Variants in GALNTL6 observed in about 807,000 individuals in gnomAD.
GALNTL6 encodes the protein polypeptide N-acetylgalactosaminyltransferase-like 6.
Under a neutral mutation model 73.7 loss-of-function variants are expected in GALNTL6, and 46 were observed. That is an observed-to-expected ratio of 0.62 (90% CI 0.49 to 0.80). GALNTL6 has a LOEUF of 0.80. GALNTL6 is among the 30% of genes least tolerant of loss of function. The pLI, the probability that GALNTL6 is intolerant of heterozygous loss-of-function variation, is 0.00. For missense variants in GALNTL6, 604 were observed against 755.0 expected, an observed-to-expected ratio of 0.80 and a Z score of 2.34; for synonymous variants, 259 against 263.7, an observed-to-expected ratio of 0.98 and a Z score of 0.17.
chr4:171,946,220 C>T lies in GALNTL6; in HGVS notation c.138+131502C>T, dbSNP rs926337820. Among the ~76,000 whole-genome samples, 22 of 152,018 alleles carry T rather than the reference C, an allele frequency of 1.4e-4. 1 individual carries two copies. Among genetic ancestry groups the T allele is most frequent in the Non-Finnish European group, 5.9e-5 (4 of 67,986 alleles). The stretch of plus-strand genomic sequence containing the variant: ...GAATACCTTTCATTCCTGAAAAATA[C>T]GTATTTACAAAATCAAAATGTCAGA... On this transcript the variant is annotated intron_variant, in intron 2 of 12. Transcript: ENST00000506823.
rs370396273 is a variant in GALNTL6, at chr4:172,521,323, G to A, written c.553+172634G>A. On this transcript the variant is annotated intron_variant, in intron 5 of 12. Transcript: ENST00000506823. The stretch of plus-strand genomic sequence containing the variant: ...GACTGACAGAAAAATTCTTCTGACA[G>A]TTGGTATAAAACATTTTACCACAAA... Among the ~76,000 whole-genome samples, 9 of 152,046 alleles carry A rather than the reference G, an allele frequency of 5.9e-5. No homozygotes were observed. In the East Asian group the frequency reaches 1.3e-3, roughly 23 times the overall value.
intron 4 of GALNTL6, among the ~76,000 whole-genome samples, chr4:172,337,817 T>G (rs905149445): frequency 6.6e-6 from 1 of 152,028 alleles, no homozygotes; most frequent in Non-Finnish European, 1.5e-5. Flanking sequence ...TACCTATTTC[T>G]CTAGCAAAAT....
At chr4:171,869,295 T>C (rs914830765) in intron 2 of GALNTL6, among the ~76,000 whole-genome samples, 1 of 152,166 alleles carries the variant, frequency 6.6e-6, no homozygotes, top group African/African-American at 2.4e-5. Context: ...AAAACAGGCT[T>C]CTTAAAATTC....
At chr4:171,848,167 A>G (rs1256863488) in intron 2 of GALNTL6, among the ~76,000 whole-genome samples, 1 of 152,260 alleles carries the variant, frequency 6.6e-6, no homozygotes, top group Non-Finnish European at 1.5e-5. Context: ...CATCTTAATC[A>G]GAGCTCTTGG....
intron 5 of GALNTL6, among the ~76,000 whole-genome samples, chr4:172,636,631 C>T (rs185036365): frequency 1.3e-5 from 2 of 152,280 alleles, no homozygotes; most frequent in South Asian, 2.1e-4. Context: ...TAGATTCTTA[C>T]CCACAGCCTT....
chr4:171,978,051 G>A (rs570247038), intron 2 of GALNTL6, among the ~76,000 whole-genome samples: 119 of 152,012 alleles, frequency 7.8e-4, no homozygotes, highest in Non-Finnish European at 1.2e-3. Context: ...GGCAAAAACC[G>A]CCATTACTAA....
chr4:172,069,609 A>ATATTATATATATAACACATATGTGT (rs1553989844), intron 2 of GALNTL6, among the ~76,000 whole-genome samples: 1 of 95,052 alleles, frequency 1.1e-5, no homozygotes, highest in African/African-American at 4.1e-5. Context: ...TATATGTTAT[A>ATATTATATATATAACACATATGTGT]TATATATAAC....
chr4:172,666,523 A>C (rs1395341394), intron 5 of GALNTL6, among the ~76,000 whole-genome samples: 1 of 152,144 alleles, frequency 6.6e-6, no homozygotes, highest in African/African-American at 2.4e-5. Context: ...ACACAAAAAA[A>C]ATTCTGTGAG....
rs1231552238 is a variant in GALNTL6, at chr4:172,929,946, A to G, written c.1042-1215A>G. On this transcript the variant is annotated intron_variant, in intron 8 of 12. Transcript: ENST00000506823. ...GTCTGTCTGAGAAGGTTGTCATGGT[A>G]AAATATAACCATGACTTTTGTTACT... 3.9e-5 allele frequency among the ~76,000 whole-genome samples: 6 copies of G among 152,182 alleles called. No individual in the cohort carries two copies. In the South Asian group the frequency reaches 8.3e-4, roughly 21 times the overall value.
rs79372423 is a variant in GALNTL6, at chr4:171,889,249, G to A, written c.138+74531G>A. Among the ~76,000 whole-genome samples the A allele has an allele frequency of 1.4e-3, 217 of 152,062 alleles. 1 individual carries two copies. Among genetic ancestry groups the A allele is most frequent in the Admixed American group, 9.7e-3 (148 of 15,258 alleles). On this transcript the variant is annotated intron_variant, in intron 2 of 12. Coordinates refer to ENST00000506823, the MANE Select transcript of GALNTL6 (RefSeq NM_001034845.3). ...TCTCTGTTCAATAAAATAATTTGAA[G>A]TCAGGAAAATATTTAACATCGTCAA...
At chr4:172,043,450 C>T (rs1723080680) in intron 2 of GALNTL6, among the ~76,000 whole-genome samples, 1 of 152,000 alleles carries the variant, frequency 6.6e-6, no homozygotes, top group African/African-American at 2.4e-5. Context: ...AAGATGGTCA[C>T]ATTTCTCAGC....
At chr4:172,474,994 A>C (rs1478735573) in intron 5 of GALNTL6, among the ~76,000 whole-genome samples, 1 of 152,200 alleles carries the variant, frequency 6.6e-6, no homozygotes, top group Non-Finnish European at 1.5e-5. Flanking sequence ...TCATAATTGG[A>C]TAGCTGTGCC....
intron 5 of GALNTL6, among the ~76,000 whole-genome samples, chr4:172,599,670 G>C (rs1737983826): frequency 6.6e-6 from 1 of 152,080 alleles, no homozygotes; most frequent in South Asian, 2.1e-4. Context: ...TGCCAAGGAG[G>C]ATCATTAACT....
At chr4:172,416,709 GTAA>G (rs1237906251) in intron 5 of GALNTL6, among the ~76,000 whole-genome samples, 1 of 151,988 alleles carries the variant, frequency 6.6e-6, no homozygotes, top group Non-Finnish European at 1.5e-5. Flanking sequence ...ATTTTTTCCT[GTAA>G]TGAATATTTT....
intron 5 of GALNTL6, among the ~76,000 whole-genome samples, chr4:172,438,189 A>G (rs561781146): frequency 1.3e-5 from 2 of 152,078 alleles, no homozygotes; most frequent in African/African-American, 4.8e-5. Flanking sequence ...TACAATAATC[A>G]TCTTTATAAT....
intron 5 of GALNTL6, among the ~76,000 whole-genome samples, chr4:172,614,460 A>G (rs1336969808): frequency 2.6e-5 from 4 of 152,152 alleles, no homozygotes; most frequent in Non-Finnish European, 5.9e-5. Context: ...GTTCTATATA[A>G]GTTTAATACA....
chr4:172,873,288 C>T (rs949772429), intron 7 of GALNTL6, among the ~76,000 whole-genome samples: 5 of 152,226 alleles, frequency 3.3e-5, no homozygotes, highest in Non-Finnish European at 7.3e-5. Context: ...CAAAGACTCT[C>T]AACATTCAGT....
At chr4:172,717,382 G>A (rs1272328512) in intron 5 of GALNTL6, among the ~76,000 whole-genome samples, 6 of 152,184 alleles carry the variant, frequency 3.9e-5, no homozygotes, top group African/African-American at 1.2e-4. Flanking sequence ...GGGACCAAAA[G>A]CTATTTCCCA....
intron 5 of GALNTL6, among the ~76,000 whole-genome samples, chr4:172,806,345 T>C (rs1740957025): frequency 5.3e-5 from 8 of 152,172 alleles, no homozygotes; most frequent in Admixed American, 5.2e-4. Context: ...TTTTAGTAAA[T>C]TAAAATGGGC....
Sources: allele counts gnomAD v4.1 joint callset (sites outside exome capture counted in the v4.1 genomes callset), GRCh38; gene constraint gnomAD v4.1.1; transcripts MANE v1.5; gene names NCBI Gene and HGNC (gene_info 2026-07-23, HGNC 2026-07-21).